ERBB4: variants seen among roughly 807,000 people sequenced by gnomAD.
ERBB4 encodes the protein erb-b2 receptor tyrosine kinase 4.
A neutral mutation model predicts 158.0 loss-of-function variants in ERBB4; 42 were observed. The observed-to-expected ratio is 0.27, with a 90% CI of 0.21 to 0.34. The LOEUF (loss-of-function observed/expected upper bound fraction) is 0.34, where lower values mean the gene tolerates loss of function less well. Ranked by LOEUF, ERBB4 falls within the 10% of genes least tolerant of loss-of-function variation. The pLI is 1.00. For synonymous variants in ERBB4, 583 were observed against 558.7 expected (o/e 1.04, Z -0.61); for missense variants, 1,333 against 1,624.1 (o/e 0.82, Z 3.08).
intron 1 of ERBB4, among the ~76,000 whole-genome samples, chr2:212,537,522 T>TG (rs1693157830): frequency 6.6e-6 from 1 of 152,048 alleles, no homozygotes; most frequent in Non-Finnish European, 1.5e-5. Context: ...CCCAGGTACC[T>TG]GGGGCTCGAG....
intron 1 of ERBB4, among the ~76,000 whole-genome samples, chr2:212,327,575 C>G (rs1041620480): frequency 6.6e-6 from 1 of 151,880 alleles, no homozygotes; most frequent in Non-Finnish European, 1.5e-5. Flanking sequence ...TAAAACCAAA[C>G]CAAAGTTACG....
intron 1 of ERBB4, among the ~76,000 whole-genome samples, chr2:212,140,081 A>C (rs1011658919): frequency 1.1e-4 from 17 of 151,940 alleles, no homozygotes; most frequent in Admixed American, 9.2e-4. Flanking sequence ...AATGCAAGTC[A>C]AATAATGACT....
intron 3 of ERBB4, among the ~76,000 whole-genome samples, chr2:211,914,698 C>G (rs972212685): frequency 6.6e-6 from 1 of 152,058 alleles, no homozygotes; most frequent in Non-Finnish European, 1.5e-5. Context: ...CAAAATTGCA[C>G]ATAAATATAC....
intron 1 of ERBB4, among the ~76,000 whole-genome samples, chr2:212,141,595 A>C (rs1250477036): frequency 6.6e-6 from 1 of 151,962 alleles, no homozygotes; most frequent in Non-Finnish European, 1.5e-5. Context: ...TTCAGCCTCC[A>C]ATCTCATTTT....
intron 2 of ERBB4, among the ~76,000 whole-genome samples, chr2:212,109,261 C>A (rs1489148546): frequency 6.6e-6 from 1 of 152,154 alleles, no homozygotes; most frequent in Non-Finnish European, 1.5e-5. Context: ...ATTTTCCCAT[C>A]TAACAAGGCA....
At chr2:211,590,436 C>T (rs1219441525) in intron 19 of ERBB4, among the ~76,000 whole-genome samples, 2 of 152,172 alleles carry the variant, frequency 1.3e-5, no homozygotes, top group Admixed American at 6.5e-5. Flanking sequence ...CTCCTAAGAT[C>T]AGTGCCTGAG....
At chr2:211,398,172 G>C (rs1432166605) in intron 25 of ERBB4, among the ~76,000 whole-genome samples, 1 of 152,036 alleles carries the variant, frequency 6.6e-6, no homozygotes, top group Non-Finnish European at 1.5e-5. Flanking sequence ...AAATATCTTA[G>C]TGTTATCTTT....
rs138547773 is a variant in ERBB4 at position 212,240,364 on chromosome 2, G to C, written c.83-115461C>G. On this transcript the variant is annotated intron_variant, in intron 1 of 27. Coordinates refer to ENST00000342788, the MANE Select transcript of ERBB4 (RefSeq NM_005235.3). ...AATATCCTTATCTCTAAAGACGAAG[G>C]GGGCAGGAGCTATGGTTCACGTCTG... is the stretch of plus-strand genomic sequence containing the variant. Among the ~76,000 whole-genome samples the C allele has an allele frequency of 6.4e-3, 972 of 152,032 alleles. 1 individual carries two copies. The highest frequency in any genetic ancestry group is 0.01 in the Non-Finnish European group (693 of 67,980).
intron 3 of ERBB4, among the ~76,000 whole-genome samples, chr2:211,931,653 G>A (rs55866026): frequency 0.59 from 88,867 of 151,752 alleles, 27,242 homozygotes; most frequent in Non-Finnish European, 0.69. Flanking sequence ...TTATTCTTTC[G>A]TAATTGAAAA....
chr2:212,375,051 A>C (rs1418583298), intron 1 of ERBB4, among the ~76,000 whole-genome samples: 1 of 152,052 alleles, frequency 6.6e-6, no homozygotes, highest in Non-Finnish European at 1.5e-5. Flanking sequence ...ACCTAACTAT[A>C]GGTCAGATAG....
rs2068287576 is a variant in ERBB4 at position 211,586,620 on chromosome 2, C to T, written c.2302-24532G>A. ...CTCTATTCCTCCTTTTACACATACC[C>T]CAGGGAACACATGGTGACTGGAAAT... On this transcript the variant is annotated intron_variant, in intron 19 of 27. Coordinates refer to ENST00000342788, the MANE Select transcript of ERBB4 (RefSeq NM_005235.3). 2.0e-5 allele frequency among the ~76,000 whole-genome samples: 3 copies of T among 152,084 alleles called. No homozygotes were observed. The South Asian group carries it at 6.2e-4, about 32-fold the overall frequency.
chr2:211,890,836 A>C (rs2078945944), intron 3 of ERBB4, among the ~76,000 whole-genome samples: 11 of 72,342 alleles, frequency 1.5e-4, no homozygotes, highest in Non-Finnish European at 1.3e-4. Flanking sequence ...TAAAGGGATC[A>C]ATTCAACAAG....
intron 2 of ERBB4, among the ~76,000 whole-genome samples, chr2:212,023,829 C>A (rs1394641827): frequency 6.6e-6 from 1 of 151,694 alleles, no homozygotes; most frequent in Non-Finnish European, 1.5e-5. Context: ...GGAAACGTAC[C>A]TTTTGAACAA....
chr2:212,269,263 T>G (rs2085258214), intron 1 of ERBB4, among the ~76,000 whole-genome samples: 1 of 151,838 alleles, frequency 6.6e-6, no homozygotes, highest in Admixed American at 6.6e-5. Flanking sequence ...CTTAATGCCA[T>G]TTACTCACAT....
chr2:211,888,863 T>C (rs1201192958), intron 3 of ERBB4, among the ~76,000 whole-genome samples: 9 of 151,588 alleles, frequency 5.9e-5, no homozygotes, highest in Middle Eastern at 3.4e-3. Flanking sequence ...CGGCGAACCA[T>C]GAGATTATAT....
At chr2:212,298,177 T>C (rs994230677) in intron 1 of ERBB4, among the ~76,000 whole-genome samples, 2 of 151,706 alleles carry the variant, frequency 1.3e-5, no homozygotes, top group African/African-American at 2.4e-5. Flanking sequence ...AGGTAGAACA[T>C]TGTCACTTTT....
At chr2:212,267,156 A>G (rs547994755) in intron 1 of ERBB4, among the ~76,000 whole-genome samples, 3 of 152,140 alleles carry the variant, frequency 2.0e-5, no homozygotes, top group African/African-American at 7.2e-5. Flanking sequence ...TTGCTCAACA[A>G]GCCTTAATCA....
In ERBB4 at chr2:211,415,149, C is replaced by T. The variant is rs564623847; in HGVS notation, c.3135+5292G>A. 2.5e-5 allele frequency among the ~76,000 whole-genome samples: 3 copies of T among 120,702 alleles called. No individual in the cohort carries two copies. The East Asian group carries it at 7.4e-4, about 30-fold the overall frequency. 79.2% of individuals were successfully genotyped at this position (120,702 alleles called of 152,430 possible). ...TTTTTTTTTTTGAGACGGAGTCTCG[C>T]TCTGTCGCCCAGGCTGGAGTGCAGT... On this transcript the variant is annotated intron_variant, in intron 25 of 27. Coordinates refer to ENST00000342788, the MANE Select transcript of ERBB4 (RefSeq NM_005235.3).
intron 2 of ERBB4, among the ~76,000 whole-genome samples, chr2:212,101,629 C>A (rs553315610): frequency 6.6e-6 from 1 of 151,806 alleles, no homozygotes; most frequent in Admixed American, 6.6e-5. Context: ...TCTTATCACC[C>A]TGAACTGAAA....
Sources: gnomAD v4.1 joint callset for allele counts (sites outside exome capture counted in the v4.1 genomes callset) on GRCh38, gnomAD v4.1.1 for gene constraint, MANE v1.5 for transcripts, NCBI Gene and HGNC (gene_info 2026-07-23, HGNC 2026-07-21) for gene names.